The following ANKRD45 variants were observed in gnomAD, a reference collection of about 807,000 sequenced individuals.
ANKRD45 encodes the protein ankyrin repeat domain 45, also known as ankyrin repeat domain-containing protein 45.
Under a neutral mutation model 28.1 loss-of-function variants are expected in ANKRD45, and 21 were observed. The observed-to-expected ratio is 0.75, with a 90% CI of 0.53 to 1.08. The LOEUF (loss-of-function observed/expected upper bound fraction) is 1.08. Among genes scored for constraint, ANKRD45 ranks in the 50% least tolerant of loss-of-function variants. ANKRD45 has a pLI of 0.00. For synonymous variants in ANKRD45, 86 were observed against 103.9 expected (o/e 0.83, Z 1.05); for missense variants, 261 against 308.7 (o/e 0.85, Z 1.16).
chr1:173,647,252 G>C (rs942959300), intron 2 of ANKRD45, among the ~76,000 whole-genome samples: 5 of 152,118 alleles, frequency 3.3e-5, no homozygotes, highest in African/African-American at 1.2e-4. Context: ...TAAGAAACTT[G>C]CCCAAGGAAA....
chr1:173,629,501 T>C (rs1267904844), intron 3 of ANKRD45, among the ~76,000 whole-genome samples: 2 of 151,918 alleles, frequency 1.3e-5, no homozygotes, highest in Admixed American at 1.3e-4. Flanking sequence ...AGCTGAAAAA[T>C]GCAATTGACA....
intron 2 of ANKRD45, among the ~76,000 whole-genome samples, chr1:173,647,634 T>C (rs903158669): frequency 6.6e-6 from 1 of 152,140 alleles, no homozygotes; most frequent in Non-Finnish European, 1.5e-5. Context: ...AAATTAAAGA[T>C]CACTGTTTGA....
At chr1:173,657,157 C>G (rs1205215135) in intron 2 of ANKRD45, among the ~76,000 whole-genome samples, 1 of 151,256 alleles carries the variant, frequency 6.6e-6, no homozygotes, top group Non-Finnish European at 1.5e-5. Flanking sequence ...TTTGTGCTGT[C>G]TCTCTCTGAT....
the ANKRD45 span, among the ~76,000 whole-genome samples, chr1:173,676,812 G>A: frequency 4.2e-5 from 6 of 141,818 alleles, no homozygotes; most frequent in Non-Finnish European, 9.0e-5. Flanking sequence ...TTCCACCTGG[G>A]TGACAGGGTG....
chr1:173,631,527 C>T (rs1668195538), intron 3 of ANKRD45, among the ~76,000 whole-genome samples: 1 of 152,038 alleles, frequency 6.6e-6, no homozygotes, highest in Non-Finnish European at 1.5e-5. Flanking sequence ...AGTGACTGCA[C>T]AATGCACATT....
At position 173,667,601 on chromosome 1, in the gene ANKRD45, G is replaced by A. The variant is rs1033499625; in HGVS notation, c.-16+2216C>T. 4.0e-5 allele frequency: 11 copies of A among 278,404 alleles called. No homozygotes were observed. The Admixed American group carries it at 5.7e-4, about 14-fold the overall frequency. 17.2% of individuals were successfully genotyped at this position (278,404 alleles called of 1,614,324 possible). On this transcript the variant is annotated intron_variant, in intron 1 of 5. Transcript: ENST00000333279. ...GGCGCCTGTAGTCCCAGCCACTCAG[G>A]AGGCTGAGGCAGGAGAATCACTGGA...
chr1:173,698,074 T>TACATAATGG, the ANKRD45 span, among the ~76,000 whole-genome samples: 3 of 151,998 alleles, frequency 2.0e-5, no homozygotes, highest in Non-Finnish European at 4.4e-5. Context: ...ACAAGGCCAT[T>TACATAATGG]ACATAATGGT....
chr1:173,640,901 G>A (rs141209235), intron 3 of ANKRD45, among the ~76,000 whole-genome samples: 8 of 152,236 alleles, frequency 5.3e-5, no homozygotes, highest in Admixed American at 5.2e-4. Context: ...ACCTATTTCT[G>A]TCAGCCTTAT....
At chr1:173,620,748 A>G (rs1667665238) in intron 5 of ANKRD45, among the ~76,000 whole-genome samples, 2 of 152,142 alleles carry the variant, frequency 1.3e-5, no homozygotes, top group African/African-American at 4.8e-5. Flanking sequence ...TATAAAAAAA[A>G]AAAGAACCAA....
upstream of ANKRD45, among the ~76,000 whole-genome samples, chr1:173,672,815 G>T (rs1212908314): frequency 1.3e-5 from 2 of 152,136 alleles, no homozygotes; most frequent in Non-Finnish European, 2.9e-5. Context: ...CTTGACCTGA[G>T]AGTATTGGAA....
intron 5 of ANKRD45, 110 bp downstream of exon 5, chr1:173,624,677 T>A: frequency 8.7e-7 from 1 of 1,149,278 alleles, no homozygotes; most frequent in Non-Finnish European, 1.2e-6. Context: ...GTAACAATGT[T>A]AATAACTACT....
chr1:173,696,229 T>C, the ANKRD45 span, among the ~76,000 whole-genome samples: 49 of 152,316 alleles, frequency 3.2e-4, no homozygotes, highest in East Asian at 9.1e-3. Flanking sequence ...GACTGGCTGA[T>C]ACTTAGGGAA....
the ANKRD45 span, among the ~76,000 whole-genome samples, chr1:173,706,998 C>T: frequency 6.6e-6 from 1 of 152,032 alleles, no homozygotes; most frequent in Admixed American, 6.5e-5. Context: ...AAATGGGTCT[C>T]AAAATAGACA....
the ANKRD45 span, among the ~76,000 whole-genome samples, chr1:173,693,750 C>T: frequency 1.6e-4 from 25 of 152,324 alleles, no homozygotes; most frequent in African/African-American, 6.0e-4. Context: ...AGGTTAAGTG[C>T]ACCCAGTCCT....
chr1:173,692,660 TAAACAGTG>T, the ANKRD45 span, among the ~76,000 whole-genome samples: 1 of 152,156 alleles, frequency 6.6e-6, no homozygotes, highest in African/African-American at 2.4e-5. Flanking sequence ...TTCAAAAACA[TAAACAGTG>T]AGAAGCAATG....
intron 1 of ANKRD45, chr1:173,667,592 GC>G: frequency 3.7e-6 from 1 of 269,704 alleles, no homozygotes; most frequent in Non-Finnish European, 7.2e-6. Context: ...TGTAGTCCCA[GC>G]CACTCAGGAG....
At chr1:173,687,218 T>G in the ANKRD45 span, among the ~76,000 whole-genome samples, 1 of 152,200 alleles carries the variant, frequency 6.6e-6, no homozygotes, top group African/African-American at 2.4e-5. Context: ...TTACACACCT[T>G]GCACATAAAC....
At chr1:173,695,418 A>G in the ANKRD45 span, among the ~76,000 whole-genome samples, 3 of 152,178 alleles carry the variant, frequency 2.0e-5, no homozygotes, top group African/African-American at 4.8e-5. Flanking sequence ...TGTGTATTCA[A>G]TGTTCAGCTC....
At chr1:173,660,992 G>C (rs557966215) in intron 1 of ANKRD45, among the ~76,000 whole-genome samples, 2 of 152,180 alleles carry the variant, frequency 1.3e-5, no homozygotes, top group African/African-American at 4.8e-5. Flanking sequence ...GTAAGACACA[G>C]AACAATATAA....
Sources: gnomAD v4.1 joint callset for allele counts (sites outside exome capture counted in the v4.1 genomes callset) on GRCh38, gnomAD v4.1.1 for gene constraint, MANE v1.5 for transcripts, NCBI Gene and HGNC (gene_info 2026-07-23, HGNC 2026-07-21) for gene names.